Variants in ZNF410 observed in about 807,000 individuals in gnomAD.
ZNF410 encodes the protein zinc finger protein 410, also known as another partner for ARF 1.
Under a neutral mutation model 54.8 loss-of-function variants are expected in ZNF410, and 18 were observed. That is an observed-to-expected ratio of 0.33 (90% CI 0.23 to 0.49). ZNF410 has a LOEUF of 0.49. ZNF410 is among the 20% of genes least tolerant of loss of function. The pLI is 0.99. For missense variants in ZNF410, 405 were observed against 569.6 expected, an observed-to-expected ratio of 0.71 and a Z score of 2.94; for synonymous variants, 191 against 207.3, an observed-to-expected ratio of 0.92 and a Z score of 0.68.
intron 4 of ZNF410, among the ~76,000 whole-genome samples, 188 bp from the exon 5 acceptor site, chr14:73,897,883 A>G (rs2055345064): frequency 1.3e-5 from 2 of 151,272 alleles, no homozygotes; most frequent in Admixed American, 1.3e-4. Context: ...GAGGCAGGAG[A>G]ATCACTTGAA....
At chr14:73,924,631 G>C in intron 11 of ZNF410, 1 of 433,696 alleles carries the variant, frequency 2.3e-6, no homozygotes, top group Non-Finnish European at 4.5e-6. Flanking sequence ...GATCCTTTCA[G>C]TATTACATTA....
At chr14:73,912,689 G>A (rs1323044152) in intron 8 of ZNF410, among the ~76,000 whole-genome samples, 6 of 152,182 alleles carry the variant, frequency 3.9e-5, no homozygotes, top group Non-Finnish European at 7.3e-5. Flanking sequence ...TTTTAATTGT[G>A]AATTTTGAGA....
intron 8 of ZNF410, among the ~76,000 whole-genome samples, chr14:73,918,619 C>T (rs893676919): frequency 6.6e-6 from 1 of 151,266 alleles, no homozygotes; most frequent in Non-Finnish European, 1.5e-5. Context: ...TCTCTTTCTC[C>T]AGCCCCTGGC....
At chr14:73,906,150 C>T (rs1482547605) in intron 7 of ZNF410, among the ~76,000 whole-genome samples, 1 of 151,652 alleles carries the variant, frequency 6.6e-6, no homozygotes, top group Non-Finnish European at 1.5e-5. Context: ...AGGCACCCGC[C>T]ACCAGGCCTA....
chr14:73,925,299 T>A, intron 11 of ZNF410, among the ~76,000 whole-genome samples: 1 of 152,190 alleles, frequency 6.6e-6, no homozygotes, highest in East Asian at 1.9e-4. Context: ...TTTTCTTGTC[T>A]TCATTTTTCT....
At chr14:73,901,339 G>A (rs1304493433) in intron 5 of ZNF410, among the ~76,000 whole-genome samples, 1 of 152,062 alleles carries the variant, frequency 6.6e-6, no homozygotes, top group Non-Finnish European at 1.5e-5. Flanking sequence ...GGGAGGCCAA[G>A]GTGGGCAGAT....
intron 8 of ZNF410, chr14:73,920,441 T>C (rs975923058): frequency 2.6e-5 from 4 of 153,458 alleles, no homozygotes; most frequent in Non-Finnish European, 5.8e-5. Flanking sequence ...CCTATAGACA[T>C]GAGTTTTTGA....
chr14:73,910,252 A>G (rs2055556892), intron 8 of ZNF410, among the ~76,000 whole-genome samples: 1 of 152,222 alleles, frequency 6.6e-6, no homozygotes, highest in Admixed American at 6.5e-5. Flanking sequence ...AGTGATGCAG[A>G]AGCTAAACTA....
At chr14:73,925,425 A>G (rs17094011) in intron 11 of ZNF410, among the ~76,000 whole-genome samples, 23,378 of 150,526 alleles carry the variant, frequency 0.16, 2,378 homozygotes, top group East Asian at 0.49. Flanking sequence ...CCTGTCTCCT[A>G]ACTTTGACTT....
intron 5 of ZNF410, among the ~76,000 whole-genome samples, chr14:73,902,555 A>T (rs991288206): frequency 1.3e-5 from 2 of 152,164 alleles, no homozygotes; most frequent in Admixed American, 1.3e-4. Context: ...ACTGCCTTTG[A>T]TTAACCATCA....
At chr14:73,917,149 C>T (rs1157730991) in intron 8 of ZNF410, among the ~76,000 whole-genome samples, 2 of 152,038 alleles carry the variant, frequency 1.3e-5, no homozygotes, top group African/African-American at 4.8e-5. Flanking sequence ...TTTTTTCTTA[C>T]ATCGAAAATC....
chr14:73,925,136 T>TA (rs2055810544), intron 11 of ZNF410, among the ~76,000 whole-genome samples: 1 of 93,634 alleles, frequency 1.1e-5, no homozygotes, highest in African/African-American at 3.0e-5. Flanking sequence ...TGCCAGGACT[T>TA]TTCTTTTTAT....
chr14:73,930,840 G>T (rs2055901216), intron 11 of ZNF410, among the ~76,000 whole-genome samples: 1 of 151,802 alleles, frequency 6.6e-6, no homozygotes, highest in South Asian at 2.1e-4. Flanking sequence ...GTCTCAAGCA[G>T]TTCTCCTGCC....
rs2055237454 is a variant in ZNF410 at position 73,892,005 on chromosome 14, CTCTT to C, written c.-149-20_-149-17del. The C allele has an allele frequency of 2.6e-6, 2 of 757,198 alleles. No homozygotes were observed. Among genetic ancestry groups the C allele is most frequent in the Non-Finnish European group, 4.7e-6 (2 of 424,612 alleles). The allele number at this position is 757,198 out of a possible 1,614,324, so 46.9% of individuals were successfully genotyped here. ...TCCCACTGCTCTTAATGCCCCCTCT[CTCTT>C]TTTTACCCCTATTCTAGGTTACATT... On this transcript the variant is annotated intron_variant, in intron 1 of 11. Coordinates refer to ENST00000555044, the MANE Select transcript of ZNF410 (RefSeq NM_021188.3).
chr14:73,902,459 G>A (rs28442896), intron 5 of ZNF410, among the ~76,000 whole-genome samples: 86 of 152,272 alleles, frequency 5.6e-4, no homozygotes, highest in African/African-American at 2.0e-3. Context: ...AAGCATCCTA[G>A]GTTCTGCTCT....
intron 7 of ZNF410, among the ~76,000 whole-genome samples, chr14:73,906,099 T>A (rs2140307629): frequency 6.7e-6 from 1 of 150,238 alleles, no homozygotes; most frequent in East Asian, 2.0e-4. Context: ...CCTGGGTTCA[T>A]GCCATTCTCC....
At chr14:73,896,714 C>T in intron 4 of ZNF410, 180 bp downstream of exon 4, 1 of 599,490 alleles carries the variant, frequency 1.7e-6, no homozygotes, top group Admixed American at 3.1e-5. Flanking sequence ...TAGTATGACT[C>T]ATATCTTGTT....
chr14:73,912,294 C>G (rs544020327), intron 8 of ZNF410, among the ~76,000 whole-genome samples: 1 of 150,910 alleles, frequency 6.6e-6, no homozygotes, highest in South Asian at 2.1e-4. Flanking sequence ...CTCAGCCACC[C>G]GAGTAGCTGG....
intron 5 of ZNF410, 138 bp downstream of exon 5, chr14:73,898,400 AT>A: frequency 3.0e-6 from 3 of 994,428 alleles, no homozygotes; most frequent in Non-Finnish European, 4.4e-6. Flanking sequence ...AATTGTTTAA[AT>A]TTTATTTTCT....
Sources: gnomAD v4.1 joint callset for allele counts (sites outside exome capture counted in the v4.1 genomes callset) on GRCh38, gnomAD v4.1.1 for gene constraint, MANE v1.5 for transcripts, NCBI Gene and HGNC (gene_info 2026-07-23, HGNC 2026-07-21) for gene names.